The following ENOX1 variants were observed in gnomAD, a reference collection of about 807,000 sequenced individuals.
ENOX1 encodes the protein candidate growth-related and time keeping constitutive hydroquinone (NADH) oxidase.
A neutral mutation model predicts 82.5 loss-of-function variants in ENOX1; 42 were observed. The ratio of observed to expected loss-of-function variants is 0.51; its 90% CI spans 0.40 to 0.66. The LOEUF (loss-of-function observed/expected upper bound fraction) is 0.66, where lower values mean the gene tolerates loss of function less well. ENOX1 is among the 30% of genes least tolerant of loss of function. ENOX1 has a pLI of 0.00. For missense variants in ENOX1, 608 were observed against 811.6 expected (o/e 0.75, Z 3.05); for synonymous variants, 271 against 282.2 (o/e 0.96, Z 0.40).
intron 12 of ENOX1, among the ~76,000 whole-genome samples, chr13:43,295,716 A>G (rs1475046674): frequency 6.6e-6 from 1 of 152,174 alleles, no homozygotes; most frequent in East Asian, 1.9e-4. Flanking sequence ...TACAGTGGAT[A>G]GTGTGGAGAT....
At chr13:43,705,430 T>C (rs534366223) in intron 1 of ENOX1, among the ~76,000 whole-genome samples, 34 of 150,088 alleles carry the variant, frequency 2.3e-4, no homozygotes, top group Admixed American at 4.0e-4. Context: ...CATGCTCTAT[T>C]AAAAAAGATG....
intron 5 of ENOX1, among the ~76,000 whole-genome samples, chr13:43,367,534 A>G (rs2050929579): frequency 6.6e-6 from 1 of 152,206 alleles, no homozygotes; most frequent in Non-Finnish European, 1.5e-5. Flanking sequence ...CACCCAGGAT[A>G]GCCGGCAAAC....
intron 14 of ENOX1, among the ~76,000 whole-genome samples, chr13:43,256,466 A>T (rs1456941613): frequency 1.3e-5 from 2 of 152,194 alleles, no homozygotes; most frequent in African/African-American, 4.8e-5. Context: ...AATAGCAAAA[A>T]GACAAATAAT....
At chr13:43,642,436 T>C (rs567318764) in intron 2 of ENOX1, among the ~76,000 whole-genome samples, 2 of 152,310 alleles carry the variant, frequency 1.3e-5, no homozygotes, top group South Asian at 4.1e-4. Context: ...GTTTCCAACA[T>C]GTTATGCTTT....
At chr13:43,359,767 A>G in intron 7 of ENOX1, 84 bp downstream of exon 7, 1 of 1,312,320 alleles carries the variant, frequency 7.6e-7, no homozygotes, top group South Asian at 1.3e-5. Context: ...TTTATTTTGC[A>G]TGAAGGCCAA....
chr13:43,305,228 G>A (rs966699239), intron 11 of ENOX1, among the ~76,000 whole-genome samples: 6 of 150,332 alleles, frequency 4.0e-5, no homozygotes, highest in Admixed American at 2.7e-4. Context: ...TACCAACAAA[G>A]TACAATTGAT....
At chr13:43,553,808 C>T (rs377584955) in intron 2 of ENOX1, among the ~76,000 whole-genome samples, 30 of 152,264 alleles carry the variant, frequency 2.0e-4, no homozygotes, top group African/African-American at 6.3e-4. Context: ...AGTGCAGCTG[C>T]GCGATCTCCG....
chr13:43,244,665 T>C (rs1000687521), intron 14 of ENOX1, among the ~76,000 whole-genome samples: 19 of 152,282 alleles, frequency 1.2e-4, no homozygotes, highest in Middle Eastern at 6.8e-3. Context: ...ACCACCGCCA[T>C]GTGACTTCCC....
At chr13:43,754,868 G>A (rs11619756) in intron 1 of ENOX1, among the ~76,000 whole-genome samples, 58,868 of 151,880 alleles carry the variant, frequency 0.39, 14,433 homozygotes, top group Non-Finnish European at 0.56. Context: ...TGAGTGACTG[G>A]TCTTAGACTC....
intron 1 of ENOX1, among the ~76,000 whole-genome samples, chr13:43,759,501 A>G (rs1950842850): frequency 6.6e-6 from 1 of 152,032 alleles, no homozygotes; most frequent in African/African-American, 2.4e-5. Context: ...AACTTTTTCA[A>G]CCCCTCATGC....
At chr13:43,675,153 G>A (rs2085448348) in intron 1 of ENOX1, among the ~76,000 whole-genome samples, 1 of 152,182 alleles carries the variant, frequency 6.6e-6, no homozygotes, top group East Asian at 1.9e-4. Flanking sequence ...TATGGAAAAT[G>A]GATCACAGAG....
At chr13:43,454,940 T>A (rs1013631347) in intron 3 of ENOX1, among the ~76,000 whole-genome samples, 1 of 152,048 alleles carries the variant, frequency 6.6e-6, no homozygotes, top group African/African-American at 2.4e-5. Flanking sequence ...GTCTAGGGGT[T>A]TTCCAGGCCA....
chr13:43,537,171 G>C (rs1383713555), intron 2 of ENOX1, among the ~76,000 whole-genome samples: 1 of 152,170 alleles, frequency 6.6e-6, no homozygotes, highest in Non-Finnish European at 1.5e-5. Context: ...GCACTAGAAA[G>C]GCATGACGTT....
intron 2 of ENOX1, among the ~76,000 whole-genome samples, chr13:43,630,860 T>TATACACAC (rs34023929): frequency 0.039 from 5,736 of 147,744 alleles, 162 homozygotes; most frequent in Middle Eastern, 0.066. Context: ...TATATATATA[T>TATACACAC]ACACACACAC....
intron 2 of ENOX1, among the ~76,000 whole-genome samples, chr13:43,591,796 C>T (rs2081257276): frequency 6.6e-6 from 1 of 152,172 alleles, no homozygotes; most frequent in South Asian, 2.1e-4. Flanking sequence ...CCAATTACAG[C>T]TCCCATCCAC....
chr13:43,345,692 G>A (rs1258363646), intron 8 of ENOX1, among the ~76,000 whole-genome samples: 1 of 152,158 alleles, frequency 6.6e-6, no homozygotes, highest in Admixed American at 6.5e-5. Flanking sequence ...TACTGCTGAA[G>A]GCTCATTGCC....
chr13:43,332,545 TA>T (rs544658728), intron 9 of ENOX1, among the ~76,000 whole-genome samples: 1 of 151,940 alleles, frequency 6.6e-6, no homozygotes, highest in Non-Finnish European at 1.5e-5. Flanking sequence ...TCACAGTATA[TA>T]AAAAAACAGG....
At chr13:43,353,241 G>A (rs2049926496) in intron 8 of ENOX1, among the ~76,000 whole-genome samples, 1 of 152,168 alleles carries the variant, frequency 6.6e-6, no homozygotes, top group Non-Finnish European at 1.5e-5. Flanking sequence ...CACCTACTAT[G>A]TGCACAGTTT....
At chr13:43,248,980 A>T (rs1431231956) in intron 14 of ENOX1, among the ~76,000 whole-genome samples, 1 of 152,142 alleles carries the variant, frequency 6.6e-6, no homozygotes, top group Non-Finnish European at 1.5e-5. Context: ...ATAGGAAAGG[A>T]TCATTTCAAT....
Sources: gnomAD v4.1 joint callset for allele counts (sites outside exome capture counted in the v4.1 genomes callset) on GRCh38, gnomAD v4.1.1 for gene constraint, MANE v1.5 for transcripts, NCBI Gene and HGNC (gene_info 2026-07-23, HGNC 2026-07-21) for gene names.